The following TRIM2 variants were observed in gnomAD, a reference collection of about 807,000 sequenced individuals.
TRIM2 encodes tripartite motif-containing protein 2.
Under a neutral mutation model 75.2 loss-of-function variants are expected in TRIM2, and 20 were observed. The observed-to-expected ratio is 0.27, with a 90% confidence interval of 0.19 to 0.39. The LOEUF is 0.39. TRIM2 is among the 10% of genes least tolerant of loss of function. The pLI is 1.00. For missense variants in TRIM2, 660 were observed against 990.8 expected (o/e 0.67, Z 4.48); for synonymous variants, 373 against 388.3 (o/e 0.96, Z 0.46).
intron 1 of TRIM2, among the ~76,000 whole-genome samples, chr4:153,269,299 A>G (rs1756051046): frequency 6.6e-6 from 1 of 152,246 alleles, no homozygotes; most frequent in Admixed American, 6.5e-5. Flanking sequence ...CTCCTGGGGC[A>G]GTAAATTGTA....
chr4:153,227,356 A>G (rs1399830557), intron 1 of TRIM2, among the ~76,000 whole-genome samples: 1 of 152,140 alleles, frequency 6.6e-6, no homozygotes, highest in African/African-American at 2.4e-5. Flanking sequence ...AAAATAACCC[A>G]TCATAGAAAC....
intron 6 of TRIM2, among the ~76,000 whole-genome samples, chr4:153,313,881 T>C (rs1425992517): frequency 6.6e-6 from 1 of 151,958 alleles, no homozygotes; most frequent in Non-Finnish European, 1.5e-5. Flanking sequence ...AGGTAATTCG[T>C]CCATCTCGGC....
At chr4:153,270,256 C>T in intron 1 of TRIM2, 79 bp from the exon 2 acceptor site, 2 of 1,507,012 alleles carry the variant, frequency 1.3e-6, no homozygotes, top group Non-Finnish European at 1.8e-6. Flanking sequence ...TAGCACAATG[C>T]TTATGGTGAA....
chr4:153,295,208 C>T lies in TRIM2; in HGVS notation c.787-105C>T. ...ACAAACACCGCTTGCTCAGAGCCAC[C>T]TGCGTGGGCAGGTGTAGAGTCTCCT... On this transcript the variant is annotated intron_variant, in intron 5 of 11. Transcript: ENST00000338700. The surrounding 1 kb of genome is among the most constrained non-coding windows in gnomAD (Gnocchi z 7.2). The T allele has an allele frequency of 7.0e-7, 1 of 1,419,378 alleles. No homozygotes were observed. Among genetic ancestry groups the T allele is most frequent in the Non-Finnish European group, 9.3e-7 (1 of 1,078,060 alleles). The allele number at this position is 1,419,378 out of a possible 1,614,324, so 87.9% of individuals were successfully genotyped here. A position where few individuals can be genotyped will look rare whatever the true frequency, so the allele number is the denominator to read the frequency against.
chr4:153,248,397 G>A lies in TRIM2; in HGVS notation c.31-21938G>A, dbSNP rs181557153. Among the ~76,000 whole-genome samples the A allele has an allele frequency of 1.4e-4, 22 of 152,260 alleles. No homozygotes were observed. The highest frequency in any genetic ancestry group is 1.2e-3 in the Admixed American group (18 of 15,300). ...TCCCCCGTACACTTGAGGTAATTGAGGAATACAGGTTAAATTACTTACCCA... is the reference window on the plus strand; with the variant it reads ...TCCCCCGTACACTTGAGGTAATTGAAGAATACAGGTTAAATTACTTACCCA... On this transcript the variant is annotated intron_variant, in intron 1 of 11. Coordinates refer to ENST00000338700, the MANE Select transcript of TRIM2 (RefSeq NM_015271.5). This position sits in a 1 kb window ranked among gnomAD's most constrained non-coding sequence, Gnocchi z 4.0.
At chr4:153,201,164 A>G (rs1334867480), upstream of TRIM2, among the ~76,000 whole-genome samples, 1 of 152,118 alleles carries the variant, frequency 6.6e-6, no homozygotes, top group African/African-American at 2.4e-5. Flanking sequence ...GAATTTTGCC[A>G]TGTTGGCCAG....
chr4:153,302,941 G>C (rs1240666307), intron 6 of TRIM2, among the ~76,000 whole-genome samples: 1 of 152,188 alleles, frequency 6.6e-6, no homozygotes, highest in Non-Finnish European at 1.5e-5. Flanking sequence ...AATAGGATAA[G>C]TTGTGAACTA....
Position 153,336,341 on chromosome 4 carries a change from T to C in TRIM2, c.*1375T>C. The C allele has an allele frequency of 1.0e-6, 1 of 956,092 alleles. No individual in the cohort carries two copies. Among genetic ancestry groups the C allele is most frequent in the South Asian group, 4.9e-5 (1 of 20,492 alleles). 59.2% of individuals were successfully genotyped at this position (956,092 alleles called of 1,614,324 possible). The stretch of plus-strand genomic sequence containing the variant: ...CTTTTAGTCAGAAAATGGCCTTCTG[T>C]GCTTTCAAAAAAAAAAACAAAAAAA... On this transcript the variant is annotated 3_prime_UTR_variant, in exon 12 of 12. Transcript: ENST00000338700.
intron 3 of TRIM2, 100 bp from the exon 4 acceptor site, chr4:153,292,882 C>A: frequency 2.6e-6 from 3 of 1,159,442 alleles, no homozygotes; most frequent in African/African-American, 1.5e-5. Flanking sequence ...TCTGGGGTGG[C>A]TCTCATTTAA....
chr4:153,172,571 G>A (rs1730998511), intron 1 of TRIM2, among the ~76,000 whole-genome samples: 1 of 152,186 alleles, frequency 6.6e-6, no homozygotes, highest in South Asian at 2.1e-4. Context: ...GGAATTCTCG[G>A]TTAGATCATA....
chr4:153,224,402 G>T (rs992717997), intron 1 of TRIM2, among the ~76,000 whole-genome samples: 3 of 152,186 alleles, frequency 2.0e-5, no homozygotes, highest in Non-Finnish European at 2.9e-5. Context: ...TCTAGGTGAG[G>T]TAATCTGGCC....
chr4:153,230,098 T>A (rs1743219352), intron 1 of TRIM2, among the ~76,000 whole-genome samples: 1 of 152,226 alleles, frequency 6.6e-6, no homozygotes, highest in Non-Finnish European at 1.5e-5. Context: ...TTTCAGTCTC[T>A]AGGGGCCTAG....
chr4:153,312,111 G>T (rs1766502608), intron 6 of TRIM2, among the ~76,000 whole-genome samples: 1 of 132,538 alleles, frequency 7.5e-6, no homozygotes, highest in Non-Finnish European at 1.5e-5. Flanking sequence ...TCCCCTTCCT[G>T]TGTCCATGTG....
chr4:153,163,944 A>G (rs977359309), intron 1 of TRIM2, among the ~76,000 whole-genome samples: 1 of 152,162 alleles, frequency 6.6e-6, no homozygotes, highest in Non-Finnish European at 1.5e-5. Flanking sequence ...GAAAACAAAA[A>G]AACTGTTATT....
intron 1 of TRIM2, among the ~76,000 whole-genome samples, chr4:153,225,431 TG>T (rs1378406328): frequency 6.6e-6 from 1 of 152,234 alleles, no homozygotes; most frequent in African/African-American, 2.4e-5. Flanking sequence ...ATTCTGTGAA[TG>T]TTATCTTAAA....
Position 153,337,024 on chromosome 4 carries a change from AC to A in TRIM2, c.*2059del. ...AAGTACTCTTTTAGGCACTGGAAAT[AC>A]AGTGATGGACAAAACAGGTAAAAAA... On this transcript the variant is annotated 3_prime_UTR_variant, in exon 12 of 12. Coordinates refer to ENST00000338700, the MANE Select transcript of TRIM2 (RefSeq NM_015271.5). 1 of 981,284 alleles carries A rather than the reference AC, an allele frequency of 1.0e-6. No homozygotes were observed. Among genetic ancestry groups the A allele is most frequent in the African/African-American group, 1.7e-5 (1 of 57,268 alleles). 60.8% of individuals were successfully genotyped at this position (981,284 alleles called of 1,614,324 possible). A position where few individuals can be genotyped will look rare whatever the true frequency, so the allele number is the denominator to read the frequency against.
intron 6 of TRIM2, chr4:153,308,257 G>C: frequency 6.4e-7 from 1 of 1,552,604 alleles, no homozygotes; most frequent in Non-Finnish European, 8.9e-7. Context: ...GCAACCATCA[G>C]CTTGCAGAAG....
At chr4:153,188,496 A>G (rs1214017114) in intron 1 of TRIM2, among the ~76,000 whole-genome samples, 1 of 152,054 alleles carries the variant, frequency 6.6e-6, no homozygotes, top group East Asian at 1.9e-4. Flanking sequence ...CAAAAGCAAA[A>G]AACTGATGGC....
intron 3 of TRIM2, among the ~76,000 whole-genome samples, chr4:153,277,971 T>C (rs1212236904): frequency 1.3e-5 from 2 of 152,266 alleles, no homozygotes; most frequent in Non-Finnish European, 2.9e-5. Flanking sequence ...GCTTGCACTC[T>C]AAATACTAGT....
Sources: gnomAD v4.1 joint callset for allele counts (sites outside exome capture counted in the v4.1 genomes callset) on GRCh38, gnomAD v4.1.1 for gene constraint, Gnocchi (gnomAD v3.1) non-coding constraint, MANE v1.5 for transcripts, NCBI Gene and HGNC (gene_info 2026-07-23, HGNC 2026-07-21) for gene names.